The following CEP89 variants were observed in gnomAD, a reference collection of about 807,000 sequenced individuals.
CEP89 encodes centrosomal protein of 89 kDa.
A neutral mutation model predicts 97.6 loss-of-function variants in CEP89; 95 were observed. The ratio of observed to expected loss-of-function variants is 0.97; its 90% CI spans 0.82 to 1.15. The LOEUF is 1.15. Ranked by LOEUF, CEP89 falls within the 50% of genes most tolerant of loss-of-function variation. The probability of loss-of-function intolerance (pLI) is 0.00; values close to 1 mark genes in which losing one functional copy is unlikely to be tolerated. For missense variants in CEP89, 869 were observed against 947.7 expected, an observed-to-expected ratio of 0.92 and a Z score of 1.09; for synonymous variants, 354 against 349.1, an observed-to-expected ratio of 1.01 and a Z score of -0.16.
intron 16 of CEP89, among the ~76,000 whole-genome samples, chr19:32,891,124 A>G (rs116674202): frequency 0.01 from 1,590 of 152,264 alleles, 27 homozygotes; most frequent in African/African-American, 0.037. Context: ...GTGCTCCCCA[A>G]TCCTGAAACC....
At chr19:32,938,714 C>T (rs886192692) in intron 6 of CEP89, among the ~76,000 whole-genome samples, 4 of 151,948 alleles carry the variant, frequency 2.6e-5, no homozygotes, top group East Asian at 1.9e-4. Context: ...TTTAGGAGCC[C>T]GAGGCAGGTG....
intron 13 of CEP89, 72 bp from the exon 14 acceptor site, chr19:32,915,589 A>C: frequency 7.7e-7 from 1 of 1,294,520 alleles, no homozygotes; most frequent in Non-Finnish European, 1.1e-6. Context: ...GGCTATTAGG[A>C]AATACTAATG....
Position 32,881,455 on chromosome 19 carries a change from G to A in CEP89, c.2135+389C>T, listed in dbSNP as rs746111444. On this transcript the variant is annotated intron_variant, in intron 18 of 18. Transcript: ENST00000305768. Reference sequence around the variant, plus strand: ...TGAGGTGGGAGAACCGCTTGAATCCGGGAGGCGGAGGTTGCAGTGAGCCGA... The same window carrying A: ...TGAGGTGGGAGAACCGCTTGAATCCAGGAGGCGGAGGTTGCAGTGAGCCGA... Among the ~76,000 whole-genome samples the A allele has an allele frequency of 3.6e-4, 54 of 151,326 alleles. 1 individual carries two copies. The highest frequency in any genetic ancestry group is 6.8e-3 in the Middle Eastern group (2 of 292).
intron 16 of CEP89, among the ~76,000 whole-genome samples, chr19:32,893,435 TG>T (rs1969575999): frequency 6.6e-6 from 1 of 152,280 alleles, no homozygotes; most frequent in African/African-American, 2.4e-5. Flanking sequence ...CAATAATAGT[TG>T]GGGACTTCAA....
intron 14 of CEP89, among the ~76,000 whole-genome samples, chr19:32,908,664 G>A (rs996654890): frequency 6.6e-6 from 1 of 152,198 alleles, no homozygotes; most frequent in Non-Finnish European, 1.5e-5. Context: ...GGGCAAGGGA[G>A]CAGAAGTGCC....
intron 14 of CEP89, among the ~76,000 whole-genome samples, chr19:32,910,265 C>CAGAGAGAGAGAGAG (rs71336978): frequency 4.4e-4 from 62 of 140,672 alleles, no homozygotes; most frequent in African/African-American, 1.6e-3. Context: ...GACTCTGCCT[C>CAGAGAGAGAGAGAG]AGAGAGAGAG....
Position 32,953,766 on chromosome 19 carries a change from G to A in CEP89, c.341C>T (p.Ser114Phe). The part of the protein sequence containing the change: ...NWQSEMGRRS[S>F]LPSFETLDYG... The stretch of plus-strand genomic sequence containing the variant: ...GTCCAGTGTTTCAAAGGATGGCAAA[G>A]AAGATCTTCTTCCCATCTCACTCTG... The change falls in exon 4 of 19, where the codon TCT (serine) becomes TTT (phenylalanine). Residue 114 changes from serine (S) to phenylalanine (F), a missense_variant. Ser to Phe is a radical substitution (Grantham distance 155). Transcript: ENST00000305768. 6.2e-7 allele frequency: 1 copy of A among 1,613,624 alleles called. No individual in the cohort carries two copies. Among genetic ancestry groups the A allele is most frequent in the Non-Finnish European group, 8.5e-7 (1 of 1,179,816 alleles).
At position 32,901,123 on chromosome 19, in the gene CEP89, A is replaced by G. The variant is rs1261077327; in HGVS notation, c.1733+122T>C. The G allele has an allele frequency of 5.5e-6, 5 of 911,136 alleles. No homozygotes were observed. The African/African-American group carries it at 8.4e-5, about 15-fold the overall frequency. 56.4% of individuals were successfully genotyped at this position (911,136 alleles called of 1,614,324 possible). A position where few individuals can be genotyped will look rare whatever the true frequency, so the allele number is the denominator to read the frequency against. Reference sequence around the variant, plus strand: ...GCTGGTCTTGAACTTCTGACCTCAAATGATCGCCTGCCTCAGCCTCCCAAA... The same window carrying G: ...GCTGGTCTTGAACTTCTGACCTCAAGTGATCGCCTGCCTCAGCCTCCCAAA... On this transcript the variant is annotated intron_variant, in intron 15 of 18. Coordinates refer to ENST00000305768, the MANE Select transcript of CEP89 (RefSeq NM_032816.5).
chr19:32,894,552 A>ACAG (rs772120087), intron 16 of CEP89, among the ~76,000 whole-genome samples: 58 of 152,358 alleles, frequency 3.8e-4, no homozygotes, highest in Non-Finnish European at 8.2e-4. Flanking sequence ...TCCTGCATGT[A>ACAG]CAGCTAGGCA....
intron 8 of CEP89, 101 bp downstream of exon 8, chr19:32,933,350 A>G (rs1296094367): frequency 1.1e-6 from 1 of 929,744 alleles, no homozygotes; most frequent in African/African-American, 1.7e-5. Flanking sequence ...ATTACAACAT[A>G]AATTACCAAC....
intron 17 of CEP89, among the ~76,000 whole-genome samples, chr19:32,886,472 C>T (rs1392636611): frequency 2.0e-5 from 3 of 152,130 alleles, no homozygotes; most frequent in Non-Finnish European, 4.4e-5. Context: ...GTCACAGCCC[C>T]GGATTTCCAA....
intron 16 of CEP89, among the ~76,000 whole-genome samples, chr19:32,892,576 G>A (rs182908909): frequency 1.8e-4 from 27 of 151,536 alleles, no homozygotes; most frequent in African/African-American, 5.8e-4. Context: ...AAAGTGCTGG[G>A]ATTACAGGTG....
At chr19:32,960,808 T>C (rs903838507) in intron 2 of CEP89, among the ~76,000 whole-genome samples, 21 of 101,692 alleles carry the variant, frequency 2.1e-4, no homozygotes, top group African/African-American at 2.8e-4. Context: ...AGTCTCCATC[T>C]CAAAAAAAAA....
Position 32,915,526 on chromosome 19 carries a change from CA to C in CEP89, c.1385-10del. 1.9e-6 allele frequency: 3 copies of C among 1,603,194 alleles called. No individual in the cohort carries two copies. The highest frequency in any genetic ancestry group is 2.5e-6 in the Non-Finnish European group (3 of 1,177,352). ...TTTAGTCAGCTTAGAAACTGAAAAT[CA>C]AAAGAGGAAGATAAAAACTTGGCAC... On this transcript the variant is annotated splice_polypyrimidine_tract_variant and intron_variant, in intron 13 of 18. Transcript: ENST00000305768.
At chr19:32,891,001 C>G (rs1457662714) in intron 16 of CEP89, among the ~76,000 whole-genome samples, 1 of 152,174 alleles carries the variant, frequency 6.6e-6, no homozygotes, top group African/African-American at 2.4e-5. Flanking sequence ...ACCAGGTGGA[C>G]CCAGTGGAGC....
intron 5 of CEP89, among the ~76,000 whole-genome samples, chr19:32,946,631 G>T (rs1970803575): frequency 6.6e-6 from 1 of 152,144 alleles, no homozygotes; most frequent in Non-Finnish European, 1.5e-5. Flanking sequence ...TATTGTCGGA[G>T]GGACCCAGTG....
In CEP89 at chr19:32,880,754, A is replaced by C. The variant is rs534752726; in HGVS notation, c.2135+1090T>G. On this transcript the variant is annotated intron_variant, in intron 18 of 18. Coordinates refer to ENST00000305768, the MANE Select transcript of CEP89 (RefSeq NM_032816.5). ...AACTCGAAAGAACAGGCAGTCTCTA[A>C]GGGCAGAAAAAATGAAGCCTAAACT... Among the ~76,000 whole-genome samples, 212 of 152,280 alleles carry C rather than the reference A, an allele frequency of 1.4e-3. 1 individual carries two copies. The highest frequency in any genetic ancestry group is 2.7e-3 in the African/African-American group (112 of 41,566).
chr19:32,965,920 A>G (rs1971272598), intron 2 of CEP89: 1 of 151,150 alleles, frequency 6.6e-6, no homozygotes, highest in Admixed American at 6.6e-5. Context: ...CCGGAGGCTG[A>G]GGCAGGAGAA....
At chr19:32,898,556 T>C (rs1969693003) in intron 16 of CEP89, among the ~76,000 whole-genome samples, 2 of 152,152 alleles carry the variant, frequency 1.3e-5, no homozygotes, top group South Asian at 4.1e-4. Flanking sequence ...TAGCTAGCAA[T>C]GAGGACTTGA....
Sources: allele counts gnomAD v4.1 joint callset (sites outside exome capture counted in the v4.1 genomes callset), GRCh38; gene constraint gnomAD v4.1.1; transcripts MANE v1.5; gene names NCBI Gene and HGNC (gene_info 2026-07-23, HGNC 2026-07-21).